The following ZDHHC2 variants were observed in gnomAD, a reference collection of about 807,000 sequenced individuals.
ZDHHC2 encodes palmitoyltransferase ZDHHC2.
Under a neutral mutation model 55.6 loss-of-function variants are expected in ZDHHC2, and 51 were observed. The ratio of observed to expected loss-of-function variants is 0.92; its 90% CI spans 0.73 to 1.16. The LOEUF (loss-of-function observed/expected upper bound fraction) is 1.16. Among genes scored for constraint, ZDHHC2 ranks in the 50% most tolerant of loss-of-function variants. The pLI is 0.00. For missense variants in ZDHHC2, 491 were observed against 442.4 expected, an observed-to-expected ratio of 1.11 and a Z score of -0.99; for synonymous variants, 199 against 152.9, an observed-to-expected ratio of 1.30 and a Z score of -2.22.
chr8:17,200,570 C>A (rs1158308089), intron 6 of ZDHHC2, among the ~76,000 whole-genome samples: 2 of 152,166 alleles, frequency 1.3e-5, no homozygotes, highest in Non-Finnish European at 2.9e-5. Flanking sequence ...AAAATCAGGT[C>A]AGTACATACC....
intron 3 of ZDHHC2, among the ~76,000 whole-genome samples, chr8:17,188,332 A>G (rs1044391277): frequency 6.6e-6 from 1 of 151,692 alleles, no homozygotes. Context: ...TTGTGATTCC[A>G]TATATCCCAC....
chr8:17,176,188 T>TG (rs1406540942), intron 1 of ZDHHC2, among the ~76,000 whole-genome samples: 1 of 152,204 alleles, frequency 6.6e-6, no homozygotes, highest in Non-Finnish European at 1.5e-5. Context: ...GGGAATTGTG[T>TG]GGGGATCCAT....
intron 6 of ZDHHC2, among the ~76,000 whole-genome samples, chr8:17,200,172 C>G (rs954673831): frequency 6.6e-6 from 1 of 152,178 alleles, no homozygotes; most frequent in Non-Finnish European, 1.5e-5. Context: ...TGAACATCTC[C>G]CGTACCTGCT....
rs10601402 is a variant in ZDHHC2 at position 17,190,951 on chromosome 8, C to CTTTTTTTTTTTTTTTTT, written c.252+4538_253-4525dup. On this transcript the variant is annotated intron_variant, in intron 3 of 12. Coordinates refer to ENST00000262096, the MANE Select transcript of ZDHHC2 (RefSeq NM_016353.5). ...TGTCAAATACTAGGTCTTATTCATTCTTTTTTTTTTTTTTTTTTTTTTTTT... is the reference window on the plus strand; with the variant it reads ...TGTCAAATACTAGGTCTTATTCATTCTTTTTTTTTTTTTTTTTTTTTTTTTTTTTTTTTTTTTTTTTT... Among the ~76,000 whole-genome samples the CTTTTTTTTTTTTTTTTT allele has an allele frequency of 3.0e-4, 16 of 52,760 alleles. 2 individuals are homozygous for CTTTTTTTTTTTTTTTTT. The highest frequency in any genetic ancestry group is 4.4e-4 in the Non-Finnish European group (13 of 29,428). 34.6% of individuals were successfully genotyped at this position (52,760 alleles called of 152,430 possible).
chr8:17,165,649 A>G (rs1259233300), intron 1 of ZDHHC2, among the ~76,000 whole-genome samples: 1 of 152,206 alleles, frequency 6.6e-6, no homozygotes, highest in African/African-American at 2.4e-5. Context: ...TGGAGCTTAC[A>G]TTTCTAATTG....
intron 3 of ZDHHC2, among the ~76,000 whole-genome samples, chr8:17,187,173 T>G (rs560628218): frequency 8.5e-5 from 13 of 152,310 alleles, no homozygotes; most frequent in African/African-American, 2.9e-4. Context: ...GAAATATGGT[T>G]ACTGAGAGAC....
chr8:17,199,546 T>TGTCTTCGTCTTCGTCTTCGTCTTC (rs200556191), intron 6 of ZDHHC2, among the ~76,000 whole-genome samples: 17 of 40,658 alleles, frequency 4.2e-4, no homozygotes, highest in African/African-American at 1.1e-3. Flanking sequence ...CTTCGTCTTC[T>TGTCTTCGTCTTCGTCTTCGTCTTC]GTCTTCGTCT....
Position 17,209,117 on chromosome 8 carries a change from T to C in ZDHHC2, c.731-815T>C, listed in dbSNP as rs1807247402. On this transcript the variant is annotated intron_variant, in intron 8 of 12. Transcript: ENST00000262096. ...AAAATGTAGTATTTTTGAAGGAATG[T>C]TGATGACCTTATTCAAGTCTCAGTC... Among the ~76,000 whole-genome samples the C allele has an allele frequency of 1.3e-5, 2 of 152,182 alleles. 1 individual carries two copies. The highest frequency in any genetic ancestry group is 4.1e-4 in the South Asian group (2 of 4,832).
At chr8:17,166,603 T>A (rs1804612007) in intron 1 of ZDHHC2, among the ~76,000 whole-genome samples, 1 of 152,134 alleles carries the variant, frequency 6.6e-6, no homozygotes, top group African/African-American at 2.4e-5. Context: ...CATGTGAGAA[T>A]GTAAATGAGC....
At chr8:17,196,104 C>G (rs1486168855) in intron 4 of ZDHHC2, among the ~76,000 whole-genome samples, 4 of 151,794 alleles carry the variant, frequency 2.6e-5, no homozygotes, top group Non-Finnish European at 5.9e-5. Context: ...TTAAAATTTT[C>G]TTACAAATGC....
rs1807884711 is a variant in ZDHHC2, at chr8:17,220,724, G to C, written c.*503G>C. 6.6e-6 allele frequency: 1 copy of C among 152,030 alleles called. No homozygotes were observed. Among genetic ancestry groups the C allele is most frequent in the South Asian group, 2.1e-4 (1 of 4,826 alleles). The allele number at this position is 152,030 out of a possible 1,614,324, so 9.4% of individuals were successfully genotyped here. On this transcript the variant is annotated 3_prime_UTR_variant, in exon 13 of 13. Coordinates refer to ENST00000262096, the MANE Select transcript of ZDHHC2 (RefSeq NM_016353.5). ...AAACCATACTTCTTTTTTTTCCTCT[G>C]ATGTGAATCCAGCCTCAGACTGAGT...
intron 6 of ZDHHC2, among the ~76,000 whole-genome samples, chr8:17,204,609 G>C (rs908859826): frequency 3.3e-5 from 5 of 152,142 alleles, no homozygotes. Flanking sequence ...GCTAAATGAT[G>C]AGAACACATG....
intron 6 of ZDHHC2, among the ~76,000 whole-genome samples, chr8:17,205,144 G>C (rs1001575509): frequency 6.6e-6 from 1 of 152,136 alleles, no homozygotes; most frequent in Non-Finnish European, 1.5e-5. Context: ...CTAACTGCCA[G>C]GCCTACTTCT....
At position 17,195,751 on chromosome 8, in the gene ZDHHC2, A is replaced by C. The variant is rs938432114; in HGVS notation, c.373+127A>C. 6.2e-6 allele frequency: 8 copies of C among 1,283,696 alleles called. No homozygotes were observed. The Admixed American group carries it at 8.8e-5, about 14-fold the overall frequency. The allele number at this position is 1,283,696 out of a possible 1,614,324, so 79.5% of individuals were successfully genotyped here. The stretch of plus-strand genomic sequence containing the variant: ...TTCAGAATGCTGTGTTATTTCTTGG[A>C]TTGCTGTTAAATCTTTCCTGTGTGA... On this transcript the variant is annotated intron_variant, in intron 4 of 12. Coordinates refer to ENST00000262096, the MANE Select transcript of ZDHHC2 (RefSeq NM_016353.5).
chr8:17,156,737 G>T lies in ZDHHC2; in HGVS notation c.14G>T (p.Gly5Val). 2 of 1,488,696 alleles carry T rather than the reference G, an allele frequency of 1.3e-6. No homozygotes were observed. Among genetic ancestry groups the T allele is most frequent in the South Asian group, 1.3e-5 (1 of 79,372 alleles). 92.2% of individuals were successfully genotyped at this position (1,488,696 alleles called of 1,614,324 possible). A position where few individuals can be genotyped will look rare whatever the true frequency, so the allele number is the denominator to read the frequency against. The change falls in exon 1 of 13, where the codon GGC becomes GTC. Residue 5 changes from glycine (G) to valine (V), a missense_variant. By Grantham distance (109) the Gly-to-Val change is moderately radical. Coordinates refer to ENST00000262096, the MANE Select transcript of ZDHHC2 (RefSeq NM_016353.5). MAPSGPGSSARRRCR... is the reference protein window; with the variant it reads MAPSVPGSSARRRCR... ...TGCGGCTGGAAGATGGCGCCCTCGG[G>T]CCCGGGCAGCAGCGCCAGGCGGCGG...
intron 1 of ZDHHC2, among the ~76,000 whole-genome samples, chr8:17,179,076 G>A (rs1274180556): frequency 2.6e-5 from 4 of 152,072 alleles, no homozygotes; most frequent in Admixed American, 6.6e-5. Context: ...TCAGCCTCCC[G>A]AGTAGCTGGA....
intron 3 of ZDHHC2, among the ~76,000 whole-genome samples, chr8:17,187,498 A>G (rs1212537223): frequency 1.3e-5 from 2 of 152,134 alleles, no homozygotes; most frequent in African/African-American, 2.4e-5. Context: ...TAAATATGCT[A>G]TTTGGCTTGG....
chr8:17,159,818 C>T (rs1459493829), intron 1 of ZDHHC2, among the ~76,000 whole-genome samples: 1 of 152,136 alleles, frequency 6.6e-6, no homozygotes, highest in Non-Finnish European at 1.5e-5. Context: ...TGTTGATTAA[C>T]GAGGCTCTTC....
At chr8:17,187,113 G>A (rs1318946264) in intron 3 of ZDHHC2, among the ~76,000 whole-genome samples, 1 of 152,196 alleles carries the variant, frequency 6.6e-6, no homozygotes, top group African/African-American at 2.4e-5. Context: ...AAGGAAGGGG[G>A]GAGTGTAGCC....
Sources: allele counts gnomAD v4.1 joint callset (sites outside exome capture counted in the v4.1 genomes callset), GRCh38; gene constraint gnomAD v4.1.1; transcripts MANE v1.5; gene names NCBI Gene and HGNC (gene_info 2026-07-23, HGNC 2026-07-21).